LIN28B: variants seen among roughly 807,000 people sequenced by gnomAD.
The protein encoded by LIN28B is protein lin-28 homolog B.
LIN28B carries 5 observed loss-of-function variants against 21.9 expected under a neutral mutation model. The ratio of observed to expected loss-of-function variants is 0.23; its 90% CI spans 0.12 to 0.48. The LOEUF (loss-of-function observed/expected upper bound fraction) is 0.48. Ranked by LOEUF, LIN28B falls within the 20% of genes least tolerant of loss-of-function variation. The pLI is 0.98. For missense variants in LIN28B, 245 were observed against 310.5 expected (o/e 0.79, Z 1.58); for synonymous variants, 109 against 111.3 (o/e 0.98, Z 0.13).
intron 2 of LIN28B, among the ~76,000 whole-genome samples, chr6:104,976,865 A>G (rs77041934): frequency 6.6e-6 from 1 of 152,192 alleles, no homozygotes; most frequent in Non-Finnish European, 1.5e-5. Flanking sequence ...TGTAGCAGGC[A>G]GGCTTATACT....
At chr6:104,986,625 G>A (rs1256467020) in intron 2 of LIN28B, among the ~76,000 whole-genome samples, 1 of 150,962 alleles carries the variant, frequency 6.6e-6, no homozygotes, top group Non-Finnish European at 1.5e-5. Flanking sequence ...TCTTCATATT[G>A]AGGTGCTCAA....
At chr6:105,052,290 T>C (rs929873550) in intron 3 of LIN28B, among the ~76,000 whole-genome samples, 1 of 152,160 alleles carries the variant, frequency 6.6e-6, no homozygotes, top group Non-Finnish European at 1.5e-5. Flanking sequence ...GGTGTCTTAG[T>C]CTACTTTGTG....
In LIN28B at chr6:105,078,940, T is replaced by G. The variant is rs754658515; in HGVS notation, c.*157T>G. ...AAACAGACAAATCACTCTAAGCAAATTACATTTGAGCAGGGTGTCATGTTT... is the reference window on the plus strand; with the variant it reads ...AAACAGACAAATCACTCTAAGCAAAGTACATTTGAGCAGGGTGTCATGTTT... On this transcript the variant is annotated 3_prime_UTR_variant, in exon 4 of 4. Transcript: ENST00000345080. 5.3e-6 allele frequency: 4 copies of G among 756,836 alleles called. No individual in the cohort carries two copies. The highest frequency in any genetic ancestry group is 8.4e-6 in the Non-Finnish European group (4 of 478,894). 46.9% of individuals were successfully genotyped at this position (756,836 alleles called of 1,614,324 possible).
At chr6:105,030,573 T>G (rs1771399113) in intron 3 of LIN28B, among the ~76,000 whole-genome samples, 1 of 151,350 alleles carries the variant, frequency 6.6e-6, no homozygotes, top group Admixed American at 6.6e-5. Flanking sequence ...GGCTCTTGAA[T>G]TAATTTCTTT....
intron 3 of LIN28B, among the ~76,000 whole-genome samples, chr6:105,043,838 C>T (rs1323781149): frequency 6.6e-6 from 1 of 151,980 alleles, no homozygotes; most frequent in Admixed American, 6.6e-5. Flanking sequence ...TGGGCTCAAG[C>T]GATCTGCCTC....
chr6:104,995,965 T>TTATA (rs201567101), intron 2 of LIN28B, among the ~76,000 whole-genome samples: 4 of 148,350 alleles, frequency 2.7e-5, no homozygotes, highest in East Asian at 1.9e-4. Context: ...ATTATATACT[T>TTATA]TATATATATA....
intron 3 of LIN28B, among the ~76,000 whole-genome samples, chr6:105,046,257 A>C (rs1347763005): frequency 6.6e-6 from 1 of 152,102 alleles, no homozygotes; most frequent in Non-Finnish European, 1.5e-5. Context: ...ATGAGTGAGA[A>C]CATGCAGTGT....
chr6:104,993,988 A>C (rs1770547128), intron 2 of LIN28B, among the ~76,000 whole-genome samples: 1 of 152,068 alleles, frequency 6.6e-6, no homozygotes, highest in Admixed American at 6.5e-5. Context: ...ATTAAACTAT[A>C]CCAGTTCTTG....
At chr6:104,964,045 T>G (rs894431430) in intron 2 of LIN28B, among the ~76,000 whole-genome samples, 1 of 152,224 alleles carries the variant, frequency 6.6e-6, no homozygotes, top group Non-Finnish European at 1.5e-5. Context: ...TTTTTGTCGC[T>G]TTCAGGCAGC....
At chr6:104,947,736 T>C (rs1442771912) in intron 2 of LIN28B, among the ~76,000 whole-genome samples, 1 of 151,362 alleles carries the variant, frequency 6.6e-6, no homozygotes, top group Non-Finnish European at 1.5e-5. Flanking sequence ...AATTATTTTT[T>C]ATGAAAAGAT....
At chr6:104,998,433 T>C (rs370024828) in intron 2 of LIN28B, among the ~76,000 whole-genome samples, 1 of 152,324 alleles carries the variant, frequency 6.6e-6, no homozygotes. Context: ...TTTTATTCTT[T>C]GTATAATAGT....
At chr6:104,980,284 A>G (rs1163074064) in intron 2 of LIN28B, among the ~76,000 whole-genome samples, 1 of 152,228 alleles carries the variant, frequency 6.6e-6, no homozygotes, top group East Asian at 1.9e-4. Context: ...AGTACCTTTT[A>G]GTGTCATTTG....
At chr6:104,942,561 A>G (rs1269711386) in intron 2 of LIN28B, among the ~76,000 whole-genome samples, 2 of 152,124 alleles carry the variant, frequency 1.3e-5, no homozygotes, top group African/African-American at 4.8e-5. Context: ...TAGATTTTAT[A>G]GAGGAGTCAT....
chr6:105,018,114 C>T lies in LIN28B; in HGVS notation c.199-8184C>T, dbSNP rs539082965. Among the ~76,000 whole-genome samples the T allele has an allele frequency of 6.6e-5, 10 of 151,380 alleles. No individual in the cohort carries two copies. The South Asian group carries it at 2.1e-3, about 32-fold the overall frequency. Reference sequence around the variant, plus strand: ...TGGTCTTGGCAACATAGTGAGACTCCGTCTCTACAAAAAAATTTTAAAAGT... The same window carrying T: ...TGGTCTTGGCAACATAGTGAGACTCTGTCTCTACAAAAAAATTTTAAAAGT... On this transcript the variant is annotated intron_variant, in intron 2 of 3. Coordinates refer to ENST00000345080, the MANE Select transcript of LIN28B (RefSeq NM_001004317.4).
intron 2 of LIN28B, among the ~76,000 whole-genome samples, chr6:105,001,709 A>G (rs2114291339): frequency 6.6e-6 from 1 of 152,314 alleles, no homozygotes; most frequent in South Asian, 2.1e-4. Context: ...GAAATGTGCT[A>G]ATGAAAATAT....
At chr6:105,062,621 G>A (rs541336615) in intron 3 of LIN28B, among the ~76,000 whole-genome samples, 5 of 152,112 alleles carry the variant, frequency 3.3e-5, no homozygotes, top group Admixed American at 6.5e-5. Flanking sequence ...GGTGATTTCC[G>A]TTGAATGCAA....
chr6:104,975,111 C>T (rs542605213), intron 2 of LIN28B, among the ~76,000 whole-genome samples: 28 of 152,132 alleles, frequency 1.8e-4, no homozygotes, highest in South Asian at 1.2e-3. Flanking sequence ...TGAGCCACCG[C>T]GCCCAGCCCT....
chr6:104,962,146 T>G (rs1005307996), intron 2 of LIN28B, among the ~76,000 whole-genome samples: 1 of 152,146 alleles, frequency 6.6e-6, no homozygotes, highest in African/African-American at 2.4e-5. Context: ...TAATAATACT[T>G]CACATATTGG....
At chr6:105,023,226 T>A (rs1260043286) in intron 2 of LIN28B, among the ~76,000 whole-genome samples, 111 of 96,400 alleles carry the variant, frequency 1.2e-3, no homozygotes, top group Non-Finnish European at 1.6e-3. Flanking sequence ...TATATATATA[T>A]AATATATATT....
Sources: gnomAD v4.1 joint callset for allele counts (sites outside exome capture counted in the v4.1 genomes callset) on GRCh38, gnomAD v4.1.1 for gene constraint, MANE v1.5 for transcripts, NCBI Gene and HGNC (gene_info 2026-07-23, HGNC 2026-07-21) for gene names.